DLG2: variants seen among roughly 807,000 people sequenced by gnomAD.
DLG2 encodes discs large MAGUK scaffold protein 2, also known as disks large homolog 2.
Under a neutral mutation model 132.5 loss-of-function variants are expected in DLG2, and 45 were observed. The observed-to-expected ratio is 0.34, with a 90% CI of 0.27 to 0.44. DLG2 has a LOEUF of 0.44. Among genes scored for constraint, DLG2 ranks in the 20% least tolerant of loss-of-function variants. The probability of loss-of-function intolerance (pLI) is 1.00; values close to 1 mark genes in which losing one functional copy is unlikely to be tolerated. For missense variants in DLG2, 1,045 were observed against 1,196.9 expected, an observed-to-expected ratio of 0.87 and a Z score of 1.87; for synonymous variants, 424 against 419.6, an observed-to-expected ratio of 1.01 and a Z score of -0.13.
At chr11:83,490,563 C>T (rs1334116222) in intron 21 of DLG2, among the ~76,000 whole-genome samples, 1 of 151,924 alleles carries the variant, frequency 6.6e-6, no homozygotes. Flanking sequence ...GGATATTTAT[C>T]TCTTCCCAGA....
intron 18 of DLG2, among the ~76,000 whole-genome samples, chr11:83,669,902 A>G (rs1212730372): frequency 6.6e-6 from 1 of 152,256 alleles, no homozygotes; most frequent in African/African-American, 2.4e-5. Flanking sequence ...CCAAAGGAAG[A>G]GCTATGGATT....
At chr11:84,904,181 C>T (rs531857369) in intron 6 of DLG2, among the ~76,000 whole-genome samples, 13 of 152,222 alleles carry the variant, frequency 8.5e-5, no homozygotes, top group East Asian at 3.9e-4. Flanking sequence ...TAGACCCATA[C>T]GCACCAAGTC....
In DLG2 at chr11:84,497,891, T is replaced by C. The variant is rs1445537153; in HGVS notation, c.519+36679A>G. On this transcript the variant is annotated intron_variant, in intron 7 of 27. Transcript: ENST00000376104. ...TTTCAAGGAAGGAGACATTAAAAGG[T>C]ATCCACTGATTGAGCTATGGCTTGT... Among the ~76,000 whole-genome samples, 3 of 152,202 alleles carry C rather than the reference T, an allele frequency of 2.0e-5. No homozygotes were observed. The East Asian group carries it at 5.8e-4, about 29-fold the overall frequency.
At chr11:84,093,138 G>A (rs1485904593) in intron 10 of DLG2, among the ~76,000 whole-genome samples, 1 of 152,076 alleles carries the variant, frequency 6.6e-6, no homozygotes, top group East Asian at 1.9e-4. Flanking sequence ...ATTGGTGTAT[G>A]TCATAAGTCT....
At chr11:84,038,260 C>T (rs1214319289) in intron 11 of DLG2, among the ~76,000 whole-genome samples, 2 of 151,196 alleles carry the variant, frequency 1.3e-5, no homozygotes, top group African/African-American at 2.4e-5. Context: ...TAACAAAGGT[C>T]TAATATCCAA....
chr11:84,622,986 T>C (rs2099616493), intron 6 of DLG2, among the ~76,000 whole-genome samples: 1 of 152,180 alleles, frequency 6.6e-6, no homozygotes, highest in Non-Finnish European at 1.5e-5. Context: ...CTTTTTAGTT[T>C]CATAGCCTCC....
intron 3 of DLG2, among the ~76,000 whole-genome samples, chr11:85,557,833 G>A (rs1373708193): frequency 6.6e-6 from 1 of 151,852 alleles, no homozygotes; most frequent in Non-Finnish European, 1.5e-5. Flanking sequence ...TTAAGTGTAA[G>A]ACCTCAAATT....
chr11:85,509,865 T>G (rs1258130563), intron 3 of DLG2: 2 of 152,028 alleles, frequency 1.3e-5, no homozygotes, highest in Non-Finnish European at 2.9e-5. Flanking sequence ...GAATTTGATC[T>G]AATGAGGCAG....
Position 84,820,187 on chromosome 11 carries a change from T to C in DLG2, c.358-285456A>G, listed in dbSNP as rs147621909. On this transcript the variant is annotated intron_variant, in intron 6 of 27. Coordinates refer to ENST00000376104, the MANE Select transcript of DLG2 (RefSeq NM_001142699.3). ...GACTCCCTTCTTCTACCTCCCAAGA[T>C]TAAAATCTAGGATATTCAGAACCAT... Among the ~76,000 whole-genome samples, 6 of 151,868 alleles carry C rather than the reference T, an allele frequency of 4.0e-5. No homozygotes were observed. The East Asian group carries it at 1.2e-3, about 30-fold the overall frequency.
Position 84,992,559 on chromosome 11 carries a change from G to T in DLG2, c.357+119102C>A, listed in dbSNP as rs180761970. 4.3e-3 allele frequency among the ~76,000 whole-genome samples: 647 copies of T among 152,214 alleles called. 4 individuals are homozygous for T. The highest frequency in any genetic ancestry group is 0.014 in the African/African-American group (585 of 41,528). On this transcript the variant is annotated intron_variant, in intron 6 of 27. Transcript: ENST00000376104. ...AAGTGGCACTTCATCAGCATCTGTT[G>T]TTTCCTGACTTTTTAATAATAGCCA...
At chr11:85,001,381 G>C (rs1401019481) in intron 6 of DLG2, among the ~76,000 whole-genome samples, 3 of 152,126 alleles carry the variant, frequency 2.0e-5, no homozygotes, top group Non-Finnish European at 2.9e-5. Context: ...TATTATCTTA[G>C]AGAGGTAACC....
intron 6 of DLG2, among the ~76,000 whole-genome samples, chr11:84,751,620 A>G (rs1470621922): frequency 2.0e-5 from 3 of 152,156 alleles, no homozygotes; most frequent in African/African-American, 7.2e-5. Flanking sequence ...TGTGGTTAAC[A>G]TGCAATTCTA....
At chr11:85,207,675 A>G (rs2081989364) in intron 4 of DLG2, among the ~76,000 whole-genome samples, 1 of 152,142 alleles carries the variant, frequency 6.6e-6, no homozygotes, top group Non-Finnish European at 1.5e-5. Context: ...GAAATATGAA[A>G]AGAATGAAAG....
chr11:84,604,405 A>G (rs541002929), intron 6 of DLG2, among the ~76,000 whole-genome samples: 7 of 151,914 alleles, frequency 4.6e-5, no homozygotes, highest in Non-Finnish European at 7.4e-5. Flanking sequence ...TAATGAAGCT[A>G]GAGATGTTAG....
intron 9 of DLG2, among the ~76,000 whole-genome samples, chr11:84,107,013 T>TGTGTGTGTGA (rs1555348732): frequency 2.4e-5 from 3 of 126,106 alleles, no homozygotes; most frequent in Non-Finnish European, 5.0e-5. Flanking sequence ...TGTGTGTGTG[T>TGTGTGTGTGA]GAGAGAGTTT....
At chr11:84,713,919 G>A (rs983055183) in intron 6 of DLG2, among the ~76,000 whole-genome samples, 1 of 151,902 alleles carries the variant, frequency 6.6e-6, no homozygotes, top group Admixed American at 6.6e-5. Context: ...CTGTTATACA[G>A]CAATTAAAAT....
At chr11:84,280,200 T>A (rs2097839285) in intron 7 of DLG2, among the ~76,000 whole-genome samples, 1 of 152,142 alleles carries the variant, frequency 6.6e-6, no homozygotes, top group Non-Finnish European at 1.5e-5. Context: ...TATCCAAAGA[T>A]CAATTGTGTC....
chr11:84,125,597 A>G (rs1350694006), intron 9 of DLG2, among the ~76,000 whole-genome samples: 1 of 152,232 alleles, frequency 6.6e-6, no homozygotes, highest in Non-Finnish European at 1.5e-5. Context: ...GAAAGCCTAG[A>G]TCACAAGTTC....
chr11:83,811,555 G>A (rs1246913416), intron 17 of DLG2, among the ~76,000 whole-genome samples: 4 of 152,040 alleles, frequency 2.6e-5, no homozygotes, highest in Non-Finnish European at 4.4e-5. Context: ...TAAAAAGTAT[G>A]TTTAGTGTGT....
Sources: gnomAD v4.1 joint callset for allele counts (sites outside exome capture counted in the v4.1 genomes callset) on GRCh38, gnomAD v4.1.1 for gene constraint, MANE v1.5 for transcripts, NCBI Gene and HGNC (gene_info 2026-07-23, HGNC 2026-07-21) for gene names.